Variants in GPC5 observed in about 807,000 individuals in gnomAD.
GPC5 encodes the protein glypican 5.
GPC5 carries 47 observed loss-of-function variants against 53.9 expected under a neutral mutation model. The ratio of observed to expected loss-of-function variants is 0.87; its 90% confidence interval spans 0.69 to 1.11. The LOEUF is 1.11. Among genes scored for constraint, GPC5 ranks in the 50% most tolerant of loss-of-function variants. The probability of loss-of-function intolerance (pLI) is 0.00; values close to 1 mark genes in which losing one functional copy is unlikely to be tolerated. For missense variants in GPC5, 748 were observed against 713.1 expected (o/e 1.05, Z -0.56); for synonymous variants, 286 against 263.3 (o/e 1.09, Z -0.84).
At chr13:92,724,325 T>C (rs1221850195) in intron 7 of GPC5, among the ~76,000 whole-genome samples, 3 of 151,628 alleles carry the variant, frequency 2.0e-5, no homozygotes, top group African/African-American at 4.8e-5. Flanking sequence ...GGCACATAAA[T>C]GTGTTAATAA....
At chr13:92,181,842 T>C (rs1206092017) in intron 7 of GPC5, among the ~76,000 whole-genome samples, 1 of 152,166 alleles carries the variant, frequency 6.6e-6, no homozygotes, top group East Asian at 1.9e-4. Context: ...ATGGATTAAA[T>C]TAAAATGGAA....
intron 7 of GPC5, among the ~76,000 whole-genome samples, chr13:92,379,466 TTC>T (rs2043720482): frequency 6.6e-6 from 1 of 152,190 alleles, no homozygotes; most frequent in Non-Finnish European, 1.5e-5. Context: ...GCACTATTAA[TTC>T]TCTCTCTGTC....
intron 7 of GPC5, among the ~76,000 whole-genome samples, chr13:92,846,821 T>C (rs1878627576): frequency 6.6e-6 from 1 of 152,222 alleles, no homozygotes; most frequent in East Asian, 1.9e-4. Context: ...AAAACAGAAC[T>C]ATGTGGATAT....
At chr13:92,806,162 T>C (rs1327500951) in intron 7 of GPC5, among the ~76,000 whole-genome samples, 1 of 152,126 alleles carries the variant, frequency 6.6e-6, no homozygotes, top group East Asian at 1.9e-4. Flanking sequence ...CCATCAGCAC[T>C]TGCTGCTTCA....
intron 7 of GPC5, among the ~76,000 whole-genome samples, chr13:92,321,913 T>G (rs927632002): frequency 2.6e-5 from 4 of 152,090 alleles, no homozygotes; most frequent in African/African-American, 9.7e-5. Flanking sequence ...CAGAAATAAA[T>G]ATAATAATAG....
chr13:92,759,021 G>A (rs548270266), intron 7 of GPC5, among the ~76,000 whole-genome samples: 8 of 38,500 alleles, frequency 2.1e-4, no homozygotes, highest in Non-Finnish European at 3.1e-4. Flanking sequence ...TTTTTTTTTG[G>A]TGCTGTCATG....
At chr13:92,052,648 G>C (rs1469549398) in intron 6 of GPC5, among the ~76,000 whole-genome samples, 1 of 152,076 alleles carries the variant, frequency 6.6e-6, no homozygotes, top group East Asian at 1.9e-4. Flanking sequence ...CCTTTAGCTA[G>C]ACACAGAGTG....
At chr13:92,851,887 CAAAA>C (rs71202563) in intron 7 of GPC5, among the ~76,000 whole-genome samples, 1 of 59,202 alleles carries the variant, frequency 1.7e-5, no homozygotes. Flanking sequence ...GACTCCGTCT[CAAAA>C]AAAAAAAAAA....
intron 7 of GPC5, among the ~76,000 whole-genome samples, chr13:92,290,335 T>G (rs1040794994): frequency 1.3e-5 from 2 of 152,174 alleles, no homozygotes; most frequent in Non-Finnish European, 2.9e-5. Flanking sequence ...ATATTTTTAT[T>G]TATTTATTTA....
intron 7 of GPC5, among the ~76,000 whole-genome samples, chr13:92,176,786 C>G (rs1002583713): frequency 2.6e-5 from 4 of 152,160 alleles, no homozygotes; most frequent in African/African-American, 9.7e-5. Context: ...TTACTGATTT[C>G]CAGCACACTA....
chr13:92,806,034 C>T (rs1407377590), intron 7 of GPC5, among the ~76,000 whole-genome samples: 1 of 151,992 alleles, frequency 6.6e-6, no homozygotes, highest in African/African-American at 2.4e-5. Flanking sequence ...CTATGAAAGT[C>T]CTAGATGGCA....
chr13:92,051,344 G>C (rs1160895731), intron 6 of GPC5, among the ~76,000 whole-genome samples: 1 of 151,816 alleles, frequency 6.6e-6, no homozygotes, highest in Non-Finnish European at 1.5e-5. Flanking sequence ...TGGAACTACA[G>C]GCGCACACCA....
intron 6 of GPC5, among the ~76,000 whole-genome samples, chr13:92,073,447 G>T (rs1449626435): frequency 6.6e-6 from 1 of 152,138 alleles, no homozygotes; most frequent in Non-Finnish European, 1.5e-5. Context: ...ATCAAGCATG[G>T]CTTTACTGGA....
At chr13:91,845,020 C>T (rs73609323) in intron 5 of GPC5, among the ~76,000 whole-genome samples, 4,443 of 152,172 alleles carry the variant, frequency 0.029, 204 homozygotes, top group African/African-American at 0.096. Context: ...CTGAAAAACA[C>T]GGGACTTATT....
At chr13:92,806,689 G>T (rs1220129627) in intron 7 of GPC5, among the ~76,000 whole-genome samples, 2 of 151,972 alleles carry the variant, frequency 1.3e-5, no homozygotes, top group African/African-American at 4.8e-5. Context: ...AGGGAGATGG[G>T]GGAATGGCTG....
intron 6 of GPC5, among the ~76,000 whole-genome samples, chr13:92,139,953 A>T (rs1340513329): frequency 1.3e-5 from 2 of 152,192 alleles, no homozygotes; most frequent in Non-Finnish European, 2.9e-5. Context: ...ATGGAAGGTG[A>T]TGGAAAGCAG....
At chr13:92,258,567 T>G (rs1350812989) in intron 7 of GPC5, among the ~76,000 whole-genome samples, 1 of 152,108 alleles carries the variant, frequency 6.6e-6, no homozygotes, top group Non-Finnish European at 1.5e-5. Flanking sequence ...GGTAAAACAC[T>G]TTTTGGATTT....
At chr13:91,983,175 C>T (rs958453852) in intron 6 of GPC5, among the ~76,000 whole-genome samples, 1 of 152,034 alleles carries the variant, frequency 6.6e-6, no homozygotes, top group African/African-American at 2.4e-5. Context: ...GAAACCCCGT[C>T]TCTACTAAAA....
At chr13:92,444,251 A>ATG (rs917960518) in intron 7 of GPC5, among the ~76,000 whole-genome samples, 2 of 152,220 alleles carry the variant, frequency 1.3e-5, no homozygotes, top group African/African-American at 4.8e-5. Context: ...ATAGATGTAT[A>ATG]TGTTTTTGAG....
Sources: gnomAD v4.1 joint callset for allele counts (sites outside exome capture counted in the v4.1 genomes callset) on GRCh38, gnomAD v4.1.1 for gene constraint, MANE v1.5 for transcripts, NCBI Gene and HGNC (gene_info 2026-07-23, HGNC 2026-07-21) for gene names.